Variants in TEAD1 observed in about 807,000 individuals in gnomAD.
TEAD1 encodes the protein transcriptional enhancer factor TEF-1.
In TEAD1, 9 loss-of-function variants were observed where a neutral mutation model predicts 54.9. That is an observed-to-expected ratio of 0.16 (90% CI 0.10 to 0.29). The LOEUF is 0.29. Among genes scored for constraint, TEAD1 ranks in the 10% least tolerant of loss-of-function variants. The pLI is 1.00. For missense variants in TEAD1, 387 were observed against 535.9 expected, an observed-to-expected ratio of 0.72 and a Z score of 2.74; for synonymous variants, 200 against 187.8, an observed-to-expected ratio of 1.07 and a Z score of -0.53.
chr11:12,723,596 T>G (rs1432110404), intron 2 of TEAD1, among the ~76,000 whole-genome samples: 1 of 152,184 alleles, frequency 6.6e-6, no homozygotes, highest in African/African-American at 2.4e-5. Context: ...TAGATTCTCC[T>G]TTGTTCTTTC....
At chr11:12,829,639 C>T (rs1946731426) in intron 3 of TEAD1, among the ~76,000 whole-genome samples, 1 of 152,176 alleles carries the variant, frequency 6.6e-6, no homozygotes, top group East Asian at 1.9e-4. Flanking sequence ...GAGCTCTCCA[C>T]TGTTAGCATG....
intron 2 of TEAD1, among the ~76,000 whole-genome samples, chr11:12,763,575 CTCCT>C (rs1319870164): frequency 2.0e-5 from 3 of 152,238 alleles, no homozygotes; most frequent in Non-Finnish European, 2.9e-5. Flanking sequence ...AATAATCTTC[CTCCT>C]TCCCTCCTTG....
chr11:12,927,046 A>T (rs1019563398), intron 11 of TEAD1, among the ~76,000 whole-genome samples: 8 of 152,216 alleles, frequency 5.3e-5, no homozygotes. Context: ...CAGACAGCTT[A>T]CTCAATTTCC....
At chr11:12,832,996 A>G (rs543855068) in intron 3 of TEAD1, among the ~76,000 whole-genome samples, 2 of 152,322 alleles carry the variant, frequency 1.3e-5, no homozygotes, top group Middle Eastern at 3.4e-3. Flanking sequence ...GTCCAAGTCA[A>G]TTGTGATTCA....
chr11:12,894,188 T>A (rs939040990), intron 9 of TEAD1, among the ~76,000 whole-genome samples: 3 of 152,206 alleles, frequency 2.0e-5, no homozygotes, highest in Non-Finnish European at 4.4e-5. Flanking sequence ...CAGCAGTCAT[T>A]TTTCAAGGTT....
intron 2 of TEAD1, among the ~76,000 whole-genome samples, chr11:12,697,468 CAG>C (rs1180592324): frequency 2.0e-5 from 3 of 152,216 alleles, no homozygotes; most frequent in African/African-American, 7.2e-5. Flanking sequence ...TTTTAGATAA[CAG>C]AGTAAAAATT....
chr11:12,709,564 A>G (rs1943890696), intron 2 of TEAD1, among the ~76,000 whole-genome samples: 1 of 152,050 alleles, frequency 6.6e-6, no homozygotes, highest in East Asian at 1.9e-4. Flanking sequence ...TTTATCTTCC[A>G]GGTTGGAGTG....
chr11:12,879,381 T>C (rs988346824), intron 5 of TEAD1: 35 of 585,834 alleles, frequency 6.0e-5, no homozygotes, highest in African/African-American at 4.5e-4. Flanking sequence ...CTTAAATGTT[T>C]TAAGTAATTG....
chr11:12,854,227 C>T (rs891256431), intron 3 of TEAD1, among the ~76,000 whole-genome samples: 2 of 152,150 alleles, frequency 1.3e-5, no homozygotes, highest in Non-Finnish European at 2.9e-5. Context: ...TGTCCTTACA[C>T]CTAATCTTAG....
chr11:12,801,189 G>C (rs568432633), intron 3 of TEAD1, among the ~76,000 whole-genome samples: 40 of 152,316 alleles, frequency 2.6e-4, no homozygotes, highest in South Asian at 6.2e-4. Context: ...GTGTAGCCTA[G>C]AAATTGGGGC....
In TEAD1 at chr11:12,937,241, A is replaced by G; in HGVS notation, c.*19A>G. 6.5e-7 allele frequency: 1 copy of G among 1,539,056 alleles called. No individual in the cohort carries two copies. On this transcript the variant is annotated 3_prime_UTR_variant, in exon 13 of 13. Transcript: ENST00000527636. ...GGACTGAACATGGTTATTTATATAT[A>G]TAGATATCTGTATATACACACACAC...
rs1021559939 is a variant in TEAD1, at chr11:12,742,368, T to C, written c.-54-21811T>C. ...ATGAAGTGAAATAATAAAAGTAAAG[T>C]TCTGGACTCTAAAGAAGTCAAACTC... On this transcript the variant is annotated intron_variant, in intron 2 of 12. Coordinates refer to ENST00000527636, the MANE Select transcript of TEAD1 (RefSeq NM_021961.6). 2.0e-5 allele frequency among the ~76,000 whole-genome samples: 3 copies of C among 152,194 alleles called. No homozygotes were observed. The East Asian group carries it at 5.8e-4, about 29-fold the overall frequency.
intron 3 of TEAD1, among the ~76,000 whole-genome samples, chr11:12,833,017 C>T (rs1266101326): frequency 6.6e-6 from 1 of 152,212 alleles, no homozygotes; most frequent in Non-Finnish European, 1.5e-5. Flanking sequence ...TTTGATACTG[C>T]TCTCCTTCAA....
chr11:12,890,606 T>A (rs1756386624), intron 9 of TEAD1, among the ~76,000 whole-genome samples: 1 of 152,180 alleles, frequency 6.6e-6, no homozygotes, highest in Admixed American at 6.5e-5. Flanking sequence ...TTTAGTAATA[T>A]CCCTGAACAT....
intron 3 of TEAD1, among the ~76,000 whole-genome samples, chr11:12,857,162 T>C (rs1302630797): frequency 2.0e-5 from 3 of 152,170 alleles, no homozygotes; most frequent in Non-Finnish European, 2.9e-5. Flanking sequence ...GAGAAGCCAA[T>C]GATGGGCTCA....
Position 12,892,116 on chromosome 11 carries a change from A to G in TEAD1, c.699+8991A>G, listed in dbSNP as rs371281735. 2.4e-4 allele frequency among the ~76,000 whole-genome samples: 37 copies of G among 152,350 alleles called. No homozygotes were observed. The East Asian group carries it at 5.6e-3, about 23-fold the overall frequency. ...TAACATGATTCTTTCTCGTAAAGGC[A>G]GTTGGTCAAACGTGGGCCCAAGGAT... On this transcript the variant is annotated intron_variant, in intron 9 of 12. Coordinates refer to ENST00000527636, the MANE Select transcript of TEAD1 (RefSeq NM_021961.6).
intron 3 of TEAD1, among the ~76,000 whole-genome samples, chr11:12,856,047 C>A (rs1947370132): frequency 6.6e-6 from 1 of 151,866 alleles, no homozygotes; most frequent in African/African-American, 2.4e-5. Flanking sequence ...AAACCACTCT[C>A]CCCATGCTTT....
chr11:12,897,140 G>A (rs917899674), intron 9 of TEAD1, among the ~76,000 whole-genome samples: 3 of 149,964 alleles, frequency 2.0e-5, no homozygotes, highest in Non-Finnish European at 4.4e-5. Context: ...TTTCCCAAAT[G>A]CCAGTTTTCT....
At chr11:12,775,641 C>G (rs1945401205) in intron 3 of TEAD1, among the ~76,000 whole-genome samples, 1 of 151,452 alleles carries the variant, frequency 6.6e-6, no homozygotes, top group East Asian at 1.9e-4. Flanking sequence ...AGAGACTGTT[C>G]AACTTGATAA....
Sources: gnomAD v4.1 joint callset for allele counts (sites outside exome capture counted in the v4.1 genomes callset) on GRCh38, gnomAD v4.1.1 for gene constraint, MANE v1.5 for transcripts, NCBI Gene and HGNC (gene_info 2026-07-23, HGNC 2026-07-21) for gene names.